The following VSIG4 variants were observed in gnomAD, a reference collection of about 807,000 sequenced individuals.
The protein encoded by VSIG4 is V-set and immunoglobulin domain containing 4.
Under a neutral mutation model 23.4 loss-of-function variants are expected in VSIG4, and 34 were observed. The observed-to-expected ratio is 1.45, with a 90% confidence interval of 1.10 to 1.93. The LOEUF (loss-of-function observed/expected upper bound fraction) is 1.93, where lower values mean the gene tolerates loss of function less well. Among genes scored for constraint, VSIG4 ranks in the 30% most tolerant of loss-of-function variants. The pLI is 0.00. For synonymous variants in VSIG4, 169 were observed against 120.3 expected (o/e 1.41, Z -2.65); for missense variants, 433 against 310.8 (o/e 1.39, Z -2.96).
intron 1 of VSIG4, among the ~76,000 whole-genome samples, chrX:66,034,928 A>T (rs936723528): frequency 9.0e-6 from 1 of 110,746 alleles, no homozygotes; most frequent in African/African-American, 3.3e-5. Context: ...TGTCTCTCCT[A>T]AGAGAGGTGG....
intron 6 of VSIG4, among the ~76,000 whole-genome samples, chrX:66,023,639 C>T (rs772901181): frequency 2.0e-4 from 22 of 112,274 alleles, no homozygotes; most frequent in Non-Finnish European, 3.9e-4. Context: ...CAGCACCTGT[C>T]ACACAATAGG....
intron 3 of VSIG4, among the ~76,000 whole-genome samples, chrX:66,028,773 A>G (rs1445531866): frequency 1.8e-5 from 2 of 108,267 alleles, no homozygotes; most frequent in East Asian, 5.8e-4. Flanking sequence ...AGCCCAACAA[A>G]CTTCATTTTT....
intron 1 of VSIG4, among the ~76,000 whole-genome samples, chrX:66,039,430 T>C (rs2147684668): frequency 9.0e-6 from 1 of 111,619 alleles, no homozygotes; most frequent in South Asian, 3.8e-4. Context: ...TCTGGGGAGG[T>C]AGTGAACAGT....
Position 66,034,632 on chromosome X carries a change from A to T in VSIG4, c.56-802T>A, listed in dbSNP as rs2085513434. ...ATAGGAAAATTTCATCTTGAGGGGG[A>T]AAAGATTGCATCCATTTTTGGTCTA... is the stretch of plus-strand genomic sequence containing the variant. On this transcript the variant is annotated intron_variant, in intron 1 of 7. Coordinates refer to ENST00000374737, the MANE Select transcript of VSIG4 (RefSeq NM_007268.3). Among the ~76,000 whole-genome samples the T allele has an allele frequency of 2.7e-5, 3 of 110,010 alleles. No individual in the cohort carries two copies. In the Admixed American group the frequency reaches 2.9e-4, roughly 11 times the overall value.
chrX:66,030,579 G>A (rs2085453227), intron 3 of VSIG4, among the ~76,000 whole-genome samples: 6 of 110,513 alleles, frequency 5.4e-5, no homozygotes, highest in Admixed American at 4.8e-4. Context: ...AAATGGATAG[G>A]GAAATATCAA....
At chrX:66,023,096 T>A (rs1569238220) in intron 6 of VSIG4, among the ~76,000 whole-genome samples, 1 of 110,854 alleles carries the variant, frequency 9.0e-6, no homozygotes, top group African/African-American at 3.3e-5. Context: ...TTTTGTCATC[T>A]TGGACTCAGG....
At position 66,032,559 on chromosome X, in the gene VSIG4, C is replaced by A; in HGVS notation, c.603G>T (p.Ala201=). Residue 201 remains alanine (A), a synonymous_variant, in exon 3 of 8, where the codon GCG becomes GCT. Transcript: ENST00000374737. ...AATAGGAGCCTGAGTCGGCTATCAC[C>A]GCAGGCTTGAAGAGTAAGGTACTTA... ...ATLSTLLFKP[A]VIADSGSYFC... is the part of the protein sequence containing the mutation. 6 of 1,211,566 alleles carry A rather than the reference C, an allele frequency of 5.0e-6. No individual in the cohort carries two copies. Among genetic ancestry groups the A allele is most frequent in the Non-Finnish European group, 6.7e-6 (6 of 895,358 alleles).
intron 1 of VSIG4, among the ~76,000 whole-genome samples, chrX:66,037,600 C>T (rs1458458056): frequency 1.6e-5 from 1 of 60,919 alleles, no homozygotes; most frequent in Non-Finnish European, 2.9e-5. Flanking sequence ...TTTATTATTA[C>T]TTCCACTTTA....
At chrX:66,036,785 TATATA>T (rs1473410877) in intron 1 of VSIG4, among the ~76,000 whole-genome samples, 565 of 40,404 alleles carry the variant, frequency 0.014, 23 homozygotes, top group African/African-American at 0.07. Flanking sequence ...TATTATATTA[TATATA>T]ATATAATATA....
chrX:66,036,024 G>A (rs1210386032), intron 1 of VSIG4, among the ~76,000 whole-genome samples: 1 of 111,646 alleles, frequency 9.0e-6, no homozygotes, highest in Non-Finnish European at 1.9e-5. Context: ...TCTCAGTTTT[G>A]AAAATCACTT....
intron 3 of VSIG4, among the ~76,000 whole-genome samples, chrX:66,030,640 C>T (rs924553966): frequency 5.4e-5 from 6 of 110,503 alleles, no homozygotes; most frequent in African/African-American, 2.0e-4. Flanking sequence ...GGGTCTGGAC[C>T]TTCTTACAGA....
intron 1 of VSIG4, among the ~76,000 whole-genome samples, chrX:66,037,658 G>T (rs1156332070): frequency 1.2e-5 from 1 of 82,435 alleles, no homozygotes; most frequent in Non-Finnish European, 2.2e-5. Context: ...AATTATTACT[G>T]ATAATTACTT....
At chrX:66,027,159 C>A (rs1458124109) in intron 5 of VSIG4, among the ~76,000 whole-genome samples, 2 of 111,549 alleles carry the variant, frequency 1.8e-5, no homozygotes, top group Non-Finnish European at 3.8e-5. Context: ...TATCCATATT[C>A]TTGCTCAGAA....
chrX:66,033,635 C>A lies in VSIG4; in HGVS notation c.251G>T (p.Gly84Val). 1 of 1,211,441 alleles carries A rather than the reference C, an allele frequency of 8.3e-7. No homozygotes were observed. The highest frequency in any genetic ancestry group is 1.1e-6 in the Non-Finnish European group (1 of 895,404). ...GDHIQQAKYQGRLHVSHKVPG... is the reference protein window; with the variant it reads ...GDHIQQAKYQVRLHVSHKVPG... ...AACCTTGTGGCTCACATGCAGGCGG[C>A]CCTGGTACTTTGCCTGCTGGATATG... The change falls in exon 2 of 8, where the codon GGC (glycine) becomes GTC (valine). Residue 84 changes from glycine to valine, a missense_variant. Transcript: ENST00000374737.
At chrX:66,026,340 C>A (rs1002799018) in intron 5 of VSIG4, among the ~76,000 whole-genome samples, 18 of 111,824 alleles carry the variant, frequency 1.6e-4, no homozygotes, top group Non-Finnish European at 3.2e-4. Context: ...TAAGCTGGTA[C>A]AAATCGAAGA....
chrX:66,033,647 G>T lies in VSIG4; in HGVS notation c.239C>A (p.Ala80Glu). ...RDSSGDHIQQ[A>E]KYQGRLHVSH... ...CACATGCAGGCGGCCCTGGTACTTTGCCTGCTGGATATGGTCTCCAGAAGA... is the reference window on the plus strand; with the variant it reads ...CACATGCAGGCGGCCCTGGTACTTTTCCTGCTGGATATGGTCTCCAGAAGA... Residue 80 changes from alanine (A) to glutamate (E), a missense_variant, in exon 2 of 8, where the codon GCA becomes GAA. Coordinates refer to ENST00000374737, the MANE Select transcript of VSIG4 (RefSeq NM_007268.3). 8.3e-7 allele frequency: 1 copy of T among 1,211,354 alleles called. No homozygotes were observed. The highest frequency in any genetic ancestry group is 2.3e-4 in the Middle Eastern group (1 of 4,349).
Position 66,033,470 on chromosome X carries a change from T to A in VSIG4, c.412+4A>T. On this transcript the variant is annotated splice_donor_region_variant and intron_variant, in intron 2 of 7. Coordinates refer to ENST00000374737, the MANE Select transcript of VSIG4 (RefSeq NM_007268.3). ...AGTGCTTTCCTACCCCCATAGTGAC[T>A]CACGTTTCTGGACACGGAGCTCAGT... 8.4e-7 allele frequency: 1 copy of A among 1,193,176 alleles called. No individual in the cohort carries two copies.
chrX:66,035,641 A>T (rs889516873), intron 1 of VSIG4, among the ~76,000 whole-genome samples: 2 of 112,160 alleles, frequency 1.8e-5, no homozygotes, highest in African/African-American at 6.5e-5. Context: ...TTGCAGATAC[A>T]GCTTTTCATT....
chrX:66,036,950 T>TTATATGA (rs2085576239), intron 1 of VSIG4, among the ~76,000 whole-genome samples: 1 of 27,358 alleles, frequency 3.7e-5, no homozygotes, highest in African/African-American at 2.1e-4. Flanking sequence ...ATATGATATA[T>TTATATGA]TATATTATAT....
Sources: allele counts gnomAD v4.1 joint callset (sites outside exome capture counted in the v4.1 genomes callset), GRCh38; gene constraint gnomAD v4.1.1; transcripts MANE v1.5; gene names NCBI Gene and HGNC (gene_info 2026-07-23, HGNC 2026-07-21).